RIMS2: variants seen among roughly 807,000 people sequenced by gnomAD.
The protein encoded by RIMS2 is regulating synaptic membrane exocytosis protein 2.
Under a neutral mutation model 174.4 loss-of-function variants are expected in RIMS2, and 59 were observed. The ratio of observed to expected loss-of-function variants is 0.34; its 90% confidence interval spans 0.27 to 0.42. The LOEUF (loss-of-function observed/expected upper bound fraction) is 0.42, where lower values mean the gene tolerates loss of function less well. RIMS2 is among the 10% of genes least tolerant of loss of function. The pLI is 1.00. For synonymous variants in RIMS2, 606 were observed against 572.5 expected (o/e 1.06, Z -0.84); for missense variants, 1,620 against 1,666.3 (o/e 0.97, Z 0.48).
At chr8:103,701,121 T>G (rs1409296536) in intron 2 of RIMS2, among the ~76,000 whole-genome samples, 1 of 152,130 alleles carries the variant, frequency 6.6e-6, no homozygotes, top group East Asian at 1.9e-4. Context: ...TTTGTCTGTC[T>G]TAAGTATTTC....
intron 19 of RIMS2, among the ~76,000 whole-genome samples, chr8:104,124,825 A>G (rs2098415325): frequency 6.6e-6 from 1 of 152,182 alleles, no homozygotes; most frequent in Admixed American, 6.6e-5. Flanking sequence ...AACCTGCAGT[A>G]AAAGGAGCTG....
intron 19 of RIMS2, among the ~76,000 whole-genome samples, chr8:104,162,818 T>A (rs1049262331): frequency 3.9e-5 from 6 of 152,210 alleles, no homozygotes; most frequent in African/African-American, 1.4e-4. Flanking sequence ...AAGAAGTCTT[T>A]AATTTCATTA....
chr8:104,033,981 A>G (rs1055477578), intron 19 of RIMS2, among the ~76,000 whole-genome samples: 2 of 152,176 alleles, frequency 1.3e-5, no homozygotes, highest in Non-Finnish European at 1.5e-5. Context: ...TATTGAATAT[A>G]AAGTGCTTAA....
chr8:103,838,221 C>T (rs1258037253), intron 3 of RIMS2, among the ~76,000 whole-genome samples: 4 of 152,172 alleles, frequency 2.6e-5, no homozygotes, highest in Non-Finnish European at 5.9e-5. Flanking sequence ...GCTGAGATTA[C>T]AGGCATGAGC....
intron 1 of RIMS2, among the ~76,000 whole-genome samples, chr8:103,633,385 T>C (rs1243054460): frequency 6.6e-6 from 1 of 152,128 alleles, no homozygotes; most frequent in Admixed American, 6.5e-5. Flanking sequence ...ATCCTGGGGA[T>C]GAAGCCTACT....
chr8:103,996,527 A>C (rs1297353600), intron 17 of RIMS2, among the ~76,000 whole-genome samples: 1 of 151,928 alleles, frequency 6.6e-6, no homozygotes, highest in Admixed American at 6.6e-5. Flanking sequence ...ATTTAGAAAG[A>C]ATGTGTTGGA....
At chr8:103,770,490 C>T (rs2098239100) in intron 3 of RIMS2, among the ~76,000 whole-genome samples, 3 of 152,034 alleles carry the variant, frequency 2.0e-5, no homozygotes, top group South Asian at 4.1e-4. Flanking sequence ...GTAGCAGAAT[C>T]GCTTGAACCT....
chr8:103,549,501 A>G (rs1478428175), intron 1 of RIMS2, among the ~76,000 whole-genome samples: 1 of 152,246 alleles, frequency 6.6e-6, no homozygotes, highest in Non-Finnish European at 1.5e-5. Context: ...AACCAGTACC[A>G]GCCACTGCAA....
intron 19 of RIMS2, among the ~76,000 whole-genome samples, chr8:104,017,771 A>G (rs993773668): frequency 1.3e-5 from 2 of 152,204 alleles, no homozygotes; most frequent in African/African-American, 2.4e-5. Context: ...AAACGTATCA[A>G]AAATAACCTA....
intron 14 of RIMS2, among the ~76,000 whole-genome samples, chr8:103,946,700 C>T (rs1033791038): frequency 2.0e-5 from 3 of 152,140 alleles, no homozygotes; most frequent in Non-Finnish European, 4.4e-5. Flanking sequence ...CCCAATTAGT[C>T]TACAGATTAA....
At chr8:103,590,930 G>A (rs1005444755) in intron 1 of RIMS2, among the ~76,000 whole-genome samples, 3 of 150,698 alleles carry the variant, frequency 2.0e-5, no homozygotes, top group African/African-American at 7.3e-5. Context: ...TGGATCGTAG[G>A]GCAGGTTTAT....
intron 3 of RIMS2, among the ~76,000 whole-genome samples, chr8:103,788,626 G>C (rs140993720): frequency 6.6e-6 from 1 of 152,082 alleles, no homozygotes; most frequent in Admixed American, 6.5e-5. Context: ...CAGTTTGCCC[G>C]TTCTCAGATC....
intron 19 of RIMS2, among the ~76,000 whole-genome samples, chr8:104,139,171 C>T (rs1599739680): frequency 6.6e-6 from 1 of 151,976 alleles, no homozygotes; most frequent in Non-Finnish European, 1.5e-5. Context: ...TAATATAGCT[C>T]TGTAGTATAA....
At chr8:104,224,834 T>C (rs2099175666) in intron 19 of RIMS2, among the ~76,000 whole-genome samples, 1 of 152,236 alleles carries the variant, frequency 6.6e-6, no homozygotes, top group Non-Finnish European at 1.5e-5. Context: ...GTAATATGTC[T>C]GGAAAGTTGT....
chr8:103,937,414 T>C (rs2081517191), intron 13 of RIMS2, among the ~76,000 whole-genome samples: 1 of 152,160 alleles, frequency 6.6e-6, no homozygotes, highest in Admixed American at 6.5e-5. Context: ...AAACCATTTA[T>C]TTATGAATTA....
chr8:104,131,370 A>C (rs986253697), intron 19 of RIMS2, among the ~76,000 whole-genome samples: 2 of 152,134 alleles, frequency 1.3e-5, no homozygotes, highest in Admixed American at 6.6e-5. Flanking sequence ...CATATCTTAA[A>C]TTTCTTGGAT....
At position 103,946,135 on chromosome 8, in the gene RIMS2, G is replaced by A. The variant is rs140756122; in HGVS notation, c.2701+3209G>A. ...TAGAACTAATAAACAAGGAGAGCAA[G>A]GTCCCGAGATACATGAACAATATAC... On this transcript the variant is annotated intron_variant, in intron 14 of 23. Coordinates refer to ENST00000504942, the Ensembl canonical transcript of RIMS2. 8.7e-3 allele frequency among the ~76,000 whole-genome samples: 1,327 copies of A among 152,256 alleles called. 20 individuals carry two copies. The highest frequency in any genetic ancestry group is 0.03 in the African/African-American group (1,251 of 41,526).
intron 19 of RIMS2, among the ~76,000 whole-genome samples, chr8:104,015,827 G>A (rs1290302352): frequency 6.6e-6 from 1 of 151,998 alleles, no homozygotes; most frequent in Non-Finnish European, 1.5e-5. Flanking sequence ...TACACATAGT[G>A]TAGTTATATT....
intron 1 of RIMS2, among the ~76,000 whole-genome samples, chr8:103,530,276 C>T (rs747169834): frequency 2.6e-5 from 4 of 151,724 alleles, no homozygotes; most frequent in Non-Finnish European, 5.9e-5. Context: ...TGTACACCTT[C>T]CAAGCTAATA....
Sources: allele counts gnomAD v4.1 joint callset (sites outside exome capture counted in the v4.1 genomes callset), GRCh38; gene constraint gnomAD v4.1.1; transcripts MANE v1.5; gene names NCBI Gene and HGNC (gene_info 2026-07-23, HGNC 2026-07-21).